Variants in RSBN1 observed in about 807,000 individuals in gnomAD.
The protein encoded by RSBN1 is lysine-specific demethylase 9.
RSBN1 carries 23 observed loss-of-function variants against 74.8 expected under a neutral mutation model. That is an observed-to-expected ratio of 0.31 (90% confidence interval 0.22 to 0.44). The LOEUF (loss-of-function observed/expected upper bound fraction) is 0.44. Among genes scored for constraint, RSBN1 ranks in the 20% least tolerant of loss-of-function variants. RSBN1 has a pLI of 1.00. For synonymous variants in RSBN1, 407 were observed against 379.6 expected (o/e 1.07, Z -0.84); for missense variants, 808 against 1,020.9 (o/e 0.79, Z 2.84).
chr1:113,812,176 C>T lies in RSBN1; in HGVS notation c.237G>A (p.Gly79=), dbSNP rs190990654. The T allele has an allele frequency of 1.4e-4, 222 of 1,609,162 alleles. No homozygotes were observed. Among genetic ancestry groups the T allele is most frequent in the Non-Finnish European group, 1.8e-4 (216 of 1,179,850 alleles). The change falls in exon 1 of 7, where the codon GGG becomes GGA. Residue 79 remains glycine, a synonymous_variant. Coordinates refer to ENST00000261441, the MANE Select transcript of RSBN1 (RefSeq NM_018364.5). ...DKEGKEKPHA[G]VSPRGVKRQR... ...GCCGTTTAACTCCCCGCGGGGAGAC[C>T]CCAGCATGAGGTTTCTCCTTCCCCT... is the stretch of plus-strand genomic sequence containing the variant.
At chr1:113,784,155 C>T (rs1207455848) in intron 2 of RSBN1, among the ~76,000 whole-genome samples, 1 of 152,124 alleles carries the variant, frequency 6.6e-6, no homozygotes. Context: ...AAAGGAGGGA[C>T]ACAACAGTCT....
At chr1:113,803,064 G>A (rs1660618333) in intron 1 of RSBN1, among the ~76,000 whole-genome samples, 2 of 152,140 alleles carry the variant, frequency 1.3e-5, no homozygotes, top group Non-Finnish European at 2.9e-5. Flanking sequence ...TGATAGTTTT[G>A]CCTTTTCCAG....
Position 113,797,606 on chromosome 1 carries a change from A to T in RSBN1, c.1134T>A (p.Asp378Glu), listed in dbSNP as rs1329475785. 2 of 1,613,662 alleles carry T rather than the reference A, an allele frequency of 1.2e-6. No homozygotes were observed. The highest frequency in any genetic ancestry group is 1.7e-6 in the Non-Finnish European group (2 of 1,179,774). Residue 378 changes from aspartate to glutamate, a missense_variant, in exon 2 of 7, where the codon GAT becomes GAA. Physicochemically the swap from Asp to Glu is conservative, Grantham distance 45. Transcript: ENST00000261441. ...CCATTGGAGACAAAAATGAGAGTTC[A>T]TCCATGTAAGCATGAAGGACAAGAG... is the stretch of plus-strand genomic sequence containing the variant. ...GGALVLHAYM[D>E]ELSFLSPMEM...
intron 1 of RSBN1, among the ~76,000 whole-genome samples, chr1:113,800,192 C>A (rs1158950219): frequency 6.6e-6 from 1 of 152,076 alleles, no homozygotes; most frequent in Non-Finnish European, 1.5e-5. Context: ...AATAATATTT[C>A]CTTCTAAGAA....
chr1:113,763,309 C>A lies in RSBN1; in HGVS notation c.*2671G>T, dbSNP rs1364198177. ...TATTAAAACTTATAGCCACATTGTG[C>A]AAGTAATCTCAAGAGCTGGCACAAC... is the stretch of plus-strand genomic sequence containing the variant. On this transcript the variant is annotated 3_prime_UTR_variant, in exon 7 of 7. Coordinates refer to ENST00000261441, the MANE Select transcript of RSBN1 (RefSeq NM_018364.5). The A allele has an allele frequency of 3.3e-5, 5 of 152,858 alleles. No homozygotes were observed. The highest frequency in any genetic ancestry group is 6.5e-5 in the Admixed American group (1 of 15,306). The allele number at this position is 152,858 out of a possible 1,614,324, so 9.5% of individuals were successfully genotyped here. A position where few individuals can be genotyped will look rare whatever the true frequency, so the allele number is the denominator to read the frequency against.
chr1:113,790,024 C>T lies in RSBN1; in HGVS notation c.1377+7339G>A, dbSNP rs147782391. On this transcript the variant is annotated intron_variant, in intron 2 of 6. Coordinates refer to ENST00000261441, the MANE Select transcript of RSBN1 (RefSeq NM_018364.5). The stretch of plus-strand genomic sequence containing the variant: ...ATTAGTAAAATGTTAAAAGATAAAA[C>T]GACATGATAAGCCACAAATTCAGAA... Among the ~76,000 whole-genome samples, 1,383 of 151,388 alleles carry T rather than the reference C, an allele frequency of 9.1e-3. 11 individuals carry two copies. Among genetic ancestry groups the T allele is most frequent in the Non-Finnish European group, 0.014 (950 of 67,888 alleles).
intron 1 of RSBN1, among the ~76,000 whole-genome samples, chr1:113,811,406 T>C (rs1221948163): frequency 6.6e-6 from 1 of 152,200 alleles, no homozygotes; most frequent in Non-Finnish European, 1.5e-5. Context: ...AGGCATTTTT[T>C]AGTACCCCAC....
chr1:113,792,034 C>T (rs772462462), intron 2 of RSBN1, among the ~76,000 whole-genome samples: 1 of 151,944 alleles, frequency 6.6e-6, no homozygotes, highest in Non-Finnish European at 1.5e-5. Flanking sequence ...ATTATACACG[C>T]CAATGCTACA....
intron 4 of RSBN1, among the ~76,000 whole-genome samples, chr1:113,773,898 G>A (rs1011761936): frequency 2.5e-4 from 38 of 152,160 alleles, no homozygotes; most frequent in Non-Finnish European, 4.1e-4. Context: ...AGCTACTCGG[G>A]AGGCTGAGGC....
intron 2 of RSBN1, among the ~76,000 whole-genome samples, chr1:113,797,013 A>AAC (rs1244670869): frequency 6.6e-6 from 1 of 152,238 alleles, no homozygotes; most frequent in African/African-American, 2.4e-5. Context: ...TTATTATGAT[A>AAC]TAAAAGCAAA....
rs779783517 is a variant in RSBN1 at position 113,766,154 on chromosome 1, T to A, written c.2235A>T (p.Glu745Asp). 5.6e-6 allele frequency: 9 copies of A among 1,614,114 alleles called. No homozygotes were observed. Among genetic ancestry groups the A allele is most frequent in the Non-Finnish European group, 7.6e-6 (9 of 1,179,970 alleles). Residue 745 changes from glutamate to aspartate, a missense_variant, in exon 7 of 7, where the codon GAA becomes GAT. Glu to Asp is a conservative substitution (Grantham distance 45). This residue lies in a region of RSBN1 where 91 missense variants were observed against 99.6 expected (regional missense o/e 0.91). Transcript: ENST00000261441. ...TTAACAGCTGAATCTCTGTGCATGCTTCTTCAGATTCAGTTTTTATCCTCA... is the reference window on the plus strand; with the variant it reads ...TTAACAGCTGAATCTCTGTGCATGCATCTTCAGATTCAGTTTTTATCCTCA... The part of the protein sequence containing the change: ...QCVRIKTESE[E>D]ACTEIQLLTT...
Position 113,768,887 on chromosome 1 carries a change from G to A in RSBN1, c.1659-498C>T, listed in dbSNP as rs924059920. Among the ~76,000 whole-genome samples, 5 of 137,146 alleles carry A rather than the reference G, an allele frequency of 3.6e-5. No homozygotes were observed. In the East Asian group the frequency reaches 1.6e-3, roughly 43 times the overall value. 90.0% of individuals were successfully genotyped at this position (137,146 alleles called of 152,430 possible). A position where few individuals can be genotyped will look rare whatever the true frequency, so the allele number is the denominator to read the frequency against. ...TGCATCCCTGTTGTTCCTACAGATA[G>A]AATTTCTTGGAAGTGGGAAAACCTT... On this transcript the variant is annotated intron_variant, in intron 4 of 6. Transcript: ENST00000261441.
chr1:113,799,590 A>G (rs1660539911), intron 1 of RSBN1, among the ~76,000 whole-genome samples: 1 of 151,584 alleles, frequency 6.6e-6, no homozygotes, highest in African/African-American at 2.4e-5. Context: ...ACACACACAC[A>G]CACACACACA....
At chr1:113,796,509 A>G (rs1200313172) in intron 2 of RSBN1, among the ~76,000 whole-genome samples, 1 of 152,122 alleles carries the variant, frequency 6.6e-6, no homozygotes, top group African/African-American at 2.4e-5. Flanking sequence ...AAAAAAATAT[A>G]TATATATTAA....
At chr1:113,767,555 C>T (rs1659804303) in intron 5 of RSBN1, among the ~76,000 whole-genome samples, 1 of 152,184 alleles carries the variant, frequency 6.6e-6, no homozygotes, top group Admixed American at 6.5e-5. Context: ...CTGTGGACAA[C>T]AGTCTGGTAG....
chr1:113,809,995 A>G (rs187538769), intron 1 of RSBN1, among the ~76,000 whole-genome samples: 4 of 152,288 alleles, frequency 2.6e-5, no homozygotes, highest in African/African-American at 9.6e-5. Flanking sequence ...CAATCTTCAG[A>G]GAAAGATTGT....
At chr1:113,779,362 C>T (rs1347960517) in intron 2 of RSBN1, among the ~76,000 whole-genome samples, 1 of 152,094 alleles carries the variant, frequency 6.6e-6, no homozygotes, top group Non-Finnish European at 1.5e-5. Flanking sequence ...CACATATATA[C>T]ACAGAAAAAA....
chr1:113,793,126 T>G (rs1341271728), intron 2 of RSBN1, among the ~76,000 whole-genome samples: 3 of 152,234 alleles, frequency 2.0e-5, no homozygotes, highest in Non-Finnish European at 4.4e-5. Flanking sequence ...GTTCTAAAGC[T>G]TCTCAAAGTT....
At chr1:113,796,642 G>A (rs1225999944) in intron 2 of RSBN1, among the ~76,000 whole-genome samples, 2 of 152,108 alleles carry the variant, frequency 1.3e-5, no homozygotes, top group African/African-American at 2.4e-5. Context: ...GAAACTTATA[G>A]CTGACCATTT....
Sources: gnomAD v4.1 joint callset for allele counts (sites outside exome capture counted in the v4.1 genomes callset) on GRCh38, gnomAD v4.1.1 for gene constraint, gnomAD v4.1.1 regional missense constraint, MANE v1.5 for transcripts, NCBI Gene and HGNC (gene_info 2026-07-23, HGNC 2026-07-21) for gene names.